TUT4: variants seen among roughly 807,000 people sequenced by gnomAD.
TUT4 encodes terminal uridylyl transferase 4.
In TUT4, 36 loss-of-function variants were observed where a neutral mutation model predicts 192.2. That is an observed-to-expected ratio of 0.19 (90% CI 0.14 to 0.25). The LOEUF (loss-of-function observed/expected upper bound fraction) is 0.25, where lower values mean the gene tolerates loss of function less well. TUT4 is among the 10% of genes least tolerant of loss of function. The pLI is 1.00. For synonymous variants in TUT4, 618 were observed against 666.0 expected, an observed-to-expected ratio of 0.93 and a Z score of 1.11; for missense variants, 1,493 against 1,957.2, an observed-to-expected ratio of 0.76 and a Z score of 4.47.
At chr1:52,504,166 A>G (rs1189418379) in intron 4 of TUT4, among the ~76,000 whole-genome samples, 1 of 152,198 alleles carries the variant, frequency 6.6e-6, no homozygotes, top group East Asian at 1.9e-4. Context: ...CTGTACTCCC[A>G]CAATTCTACA....
intron 4 of TUT4, among the ~76,000 whole-genome samples, chr1:52,500,612 A>T (rs919533402): frequency 3.9e-5 from 6 of 152,064 alleles, no homozygotes; most frequent in African/African-American, 1.4e-4. Flanking sequence ...AATACAAAAA[A>T]CTAGCCGGGC....
At chr1:52,501,892 A>T (rs555621516) in intron 4 of TUT4, among the ~76,000 whole-genome samples, 50 of 152,336 alleles carry the variant, frequency 3.3e-4, no homozygotes, top group Non-Finnish European at 5.1e-4. Context: ...GGGTACCTAC[A>T]ATAGACAAGC....
Position 52,516,038 on chromosome 1 carries a change from A to T in TUT4, c.735T>A (p.Asp245Glu), listed in dbSNP as rs752767996. ...CTGAAGAATTTTCTTTATTAGATTC[A>T]TCATTCTTCATTTTACCTAGAAAAG... The part of the protein sequence containing the change: ...VSDDLSKMKN[D>E]ESNKENSSEM... The change falls in exon 3 of 30, where the codon GAT becomes GAA. Residue 245 changes from aspartate (D) to glutamate (E), a missense_variant. Asp to Glu is a conservative substitution (Grantham distance 45). Transcript: ENST00000257177. The T allele has an allele frequency of 2.7e-5, 43 of 1,613,034 alleles. 1 individual carries two copies. The highest frequency in any genetic ancestry group is 3.3e-4 in the Middle Eastern group (2 of 6,056).
chr1:52,441,715 G>A (rs538622348), intron 24 of TUT4, among the ~76,000 whole-genome samples: 4 of 152,186 alleles, frequency 2.6e-5, no homozygotes, highest in African/African-American at 7.2e-5. Context: ...GCTGGTAAAC[G>A]TTTATGACTG....
chr1:52,458,790 T>C (rs1661663972), intron 19 of TUT4, among the ~76,000 whole-genome samples: 1 of 152,118 alleles, frequency 6.6e-6, no homozygotes, highest in South Asian at 2.1e-4. Flanking sequence ...TATTTGACAA[T>C]ATCACAATTA....
At chr1:52,530,288 A>AT (rs1683024059) in intron 1 of TUT4, among the ~76,000 whole-genome samples, 1 of 150,214 alleles carries the variant, frequency 6.7e-6, no homozygotes, top group African/African-American at 2.4e-5. Flanking sequence ...AATTGCTAAT[A>AT]GGAATATGTG....
rs1484484450 is a variant in TUT4 at position 52,490,940 on chromosome 1, C to T, written c.1319-139G>A. The T allele has an allele frequency of 1.3e-5, 9 of 715,334 alleles. No individual in the cohort carries two copies. In the South Asian group the frequency reaches 1.5e-4, roughly 12 times the overall value. 44.3% of individuals were successfully genotyped at this position (715,334 alleles called of 1,614,324 possible). A position where few individuals can be genotyped will look rare whatever the true frequency, so the allele number is the denominator to read the frequency against. On this transcript the variant is annotated intron_variant, in intron 7 of 29. Transcript: ENST00000257177. Reference sequence around the variant, plus strand: ...TAATCCACTCTTCTCATTATGAGCACCAACCCAGCGAAATCTCTTACCTCT... The same window carrying T: ...TAATCCACTCTTCTCATTATGAGCATCAACCCAGCGAAATCTCTTACCTCT...
At chr1:52,438,571 G>C (rs1249427538) in intron 24 of TUT4, among the ~76,000 whole-genome samples, 1 of 152,122 alleles carries the variant, frequency 6.6e-6, no homozygotes, top group Admixed American at 6.5e-5. Context: ...TGCTACAGAT[G>C]AATAAGAAAA....
At chr1:52,526,400 T>C in intron 1 of TUT4, 27 bp from the exon 2 acceptor site, 1 of 982,330 alleles carries the variant, frequency 1.0e-6, no homozygotes. Flanking sequence ...AAGAGAAAAA[T>C]CTGTTATTTA....
intron 7 of TUT4, among the ~76,000 whole-genome samples, chr1:52,491,749 T>C (rs1346202002): frequency 6.6e-6 from 1 of 152,008 alleles, no homozygotes; most frequent in African/African-American, 2.4e-5. Context: ...CACTTGTAAT[T>C]CAAAGAAAAT....
intron 4 of TUT4, among the ~76,000 whole-genome samples, chr1:52,499,797 C>G (rs564139526): frequency 9.9e-5 from 15 of 151,182 alleles, no homozygotes; most frequent in African/African-American, 3.4e-4. Context: ...GAGCCCAGGC[C>G]AGGCGTGGTG....
At chr1:52,472,862 AAGTGTCTTTCTCC>A (rs1450149129) in intron 13 of TUT4, among the ~76,000 whole-genome samples, 1 of 152,088 alleles carries the variant, frequency 6.6e-6, no homozygotes, top group Non-Finnish European at 1.5e-5. Context: ...CTACATCCTA[AAGTGTCTTTCTCC>A]AATGTTAGCC....
chr1:52,529,211 T>G (rs1682678042), intron 1 of TUT4, among the ~76,000 whole-genome samples: 1 of 152,130 alleles, frequency 6.6e-6, no homozygotes, highest in Non-Finnish European at 1.5e-5. Context: ...AAAAAAAATT[T>G]TAAACCACAC....
In TUT4 at chr1:52,423,862, G is replaced by A. The variant is rs926674199; in HGVS notation, c.*73C>T. 17 of 1,580,630 alleles carry A rather than the reference G, an allele frequency of 1.1e-5. No homozygotes were observed. The highest frequency in any genetic ancestry group is 1.5e-5 in the Non-Finnish European group (17 of 1,163,464). ...CTGAATGTAACTGACATTGAGGTAC[G>A]GATACCCTTGAGACAGCAGGATTGG... On this transcript the variant is annotated 3_prime_UTR_variant, in exon 30 of 30. Transcript: ENST00000257177.
At chr1:52,501,349 A>G (rs1389485199) in intron 4 of TUT4, among the ~76,000 whole-genome samples, 2 of 152,164 alleles carry the variant, frequency 1.3e-5, no homozygotes, top group Non-Finnish European at 2.9e-5. Context: ...AGTACATGAA[A>G]AGATGCTAAA....
chr1:52,508,712 A>C (rs1676304577), intron 4 of TUT4, among the ~76,000 whole-genome samples: 1 of 152,320 alleles, frequency 6.6e-6, no homozygotes, highest in African/African-American at 2.4e-5. Flanking sequence ...GTCAGGTAGA[A>C]TATTTCTTAA....
chr1:52,520,956 C>T (rs1680096076), intron 2 of TUT4, among the ~76,000 whole-genome samples: 1 of 152,064 alleles, frequency 6.6e-6, no homozygotes, highest in African/African-American at 2.4e-5. Flanking sequence ...CCATACCTGG[C>T]TAGTTTTTTG....
chr1:52,462,703 G>T (rs1662962544), intron 16 of TUT4: 1 of 981,612 alleles, frequency 1.0e-6, no homozygotes, highest in South Asian at 4.7e-5. Flanking sequence ...TAATTATGTT[G>T]ATATGGAAAA....
chr1:52,502,609 C>CTTTTTTTTT lies in TUT4; in HGVS notation c.1000-5435_1000-5427dup, dbSNP rs919559320. 1.9e-3 allele frequency among the ~76,000 whole-genome samples: 155 copies of CTTTTTTTTT among 82,124 alleles called. 13 individuals carry two copies. The highest frequency in any genetic ancestry group is 6.1e-3 in the African/African-American group (114 of 18,642). The allele number at this position is 82,124 out of a possible 152,430, so 53.9% of individuals were successfully genotyped here. A position where few individuals can be genotyped will look rare whatever the true frequency, so the allele number is the denominator to read the frequency against. Reference sequence around the variant, plus strand: ...TCATTAAGTAAGCCCTCTTAGCCCTCTTTTTTTTTTTTTTTTTTTTTTTGA... The same window carrying CTTTTTTTTT: ...TCATTAAGTAAGCCCTCTTAGCCCTCTTTTTTTTTTTTTTTTTTTTTTTTTTTTTTTTGA... On this transcript the variant is annotated intron_variant, in intron 4 of 29. Coordinates refer to ENST00000257177, the MANE Select transcript of TUT4 (RefSeq NM_001009881.3).
Sources: allele counts gnomAD v4.1 joint callset (sites outside exome capture counted in the v4.1 genomes callset), GRCh38; gene constraint gnomAD v4.1.1; transcripts MANE v1.5; gene names NCBI Gene and HGNC (gene_info 2026-07-23, HGNC 2026-07-21).